MAP4: variants seen among roughly 807,000 people sequenced by gnomAD.
MAP4 encodes microtubule-associated protein 4.
MAP4 carries 76 observed loss-of-function variants against 170.2 expected under a neutral mutation model. The ratio of observed to expected loss-of-function variants is 0.45; its 90% CI spans 0.37 to 0.54. The LOEUF is 0.54. Among genes scored for constraint, MAP4 ranks in the 20% least tolerant of loss-of-function variants. The pLI, the probability that MAP4 is intolerant of heterozygous loss-of-function variation, is 0.00. For missense variants in MAP4, 2,506 were observed against 2,748.0 expected, an observed-to-expected ratio of 0.91 and a Z score of 1.97; for synonymous variants, 909 against 994.5, an observed-to-expected ratio of 0.91 and a Z score of 1.62.
intron 1 of MAP4, among the ~76,000 whole-genome samples, chr3:48,056,119 G>C (rs1420672936): frequency 7.9e-4 from 114 of 144,642 alleles, no homozygotes; most frequent in African/African-American, 1.7e-3. Flanking sequence ...AGGTGGGGGG[G>C]GGTCAGCCCC....
chr3:47,974,078 AT>A, intron 3 of MAP4: 1 of 985,280 alleles, frequency 1.0e-6, no homozygotes, highest in Non-Finnish European at 1.2e-6. Context: ...TTAAACTTTC[AT>A]GATATTCTAA....
At chr3:47,903,108 A>C (rs2100031000) in intron 9 of MAP4, 108 bp from the exon 10 acceptor site, 2 of 216,470 alleles carry the variant, frequency 9.2e-6, no homozygotes, top group African/African-American at 4.7e-5. Flanking sequence ...GTAGCAGCAT[A>C]GCAAGTACAC....
At chr3:47,871,822 G>A (rs1036767044) in intron 13 of MAP4, 95 bp downstream of exon 13, 8 of 1,243,514 alleles carry the variant, frequency 6.4e-6, no homozygotes, top group Admixed American at 2.1e-5. Flanking sequence ...GGCCTGCACA[G>A]CTGTTTGTGA....
chr3:47,875,349 G>A (rs2094967447), intron 12 of MAP4, among the ~76,000 whole-genome samples: 1 of 152,146 alleles, frequency 6.6e-6, no homozygotes, highest in Non-Finnish European at 1.5e-5. Flanking sequence ...GAGAAAGGAG[G>A]AAGAACCTAA....
intron 1 of MAP4, among the ~76,000 whole-genome samples, chr3:48,038,180 A>G (rs1343406911): frequency 6.6e-6 from 1 of 151,420 alleles, no homozygotes; most frequent in Non-Finnish European, 1.5e-5. Flanking sequence ...AAAAAAGAAA[A>G]AAAAAAAAAA....
chr3:48,020,487 AAGG>A (rs368297693), upstream of MAP4, among the ~76,000 whole-genome samples: 116 of 152,312 alleles, frequency 7.6e-4, no homozygotes, highest in South Asian at 2.9e-3. Context: ...TCTGAGCAAG[AAGG>A]AGAAGATACA....
At chr3:47,975,270 GAGGAAGC>G (rs1470095285) in intron 3 of MAP4, 46 of 1,456,084 alleles carry the variant, frequency 3.2e-5, no homozygotes. Flanking sequence ...CAGAGCACAA[GAGGAAGC>G]AGGTTGTTTG....
intron 11 of MAP4, among the ~76,000 whole-genome samples, chr3:47,876,497 T>C (rs1453761606): frequency 6.6e-6 from 1 of 152,202 alleles, no homozygotes; most frequent in East Asian, 1.9e-4. Flanking sequence ...TTTAATTCAG[T>C]AAAACAATTA....
At chr3:47,885,384 A>ATCAG (rs1320853349) in intron 10 of MAP4, among the ~76,000 whole-genome samples, 2 of 151,612 alleles carry the variant, frequency 1.3e-5, no homozygotes, top group Non-Finnish European at 2.9e-5. Context: ...CAATCAATCA[A>ATCAG]TCAATCAATC....
chr3:48,072,831 C>T (rs1345787774), intron 1 of MAP4, among the ~76,000 whole-genome samples: 1 of 152,192 alleles, frequency 6.6e-6, no homozygotes, highest in African/African-American at 2.4e-5. Flanking sequence ...TACTGTAGCA[C>T]CTGACTGCAG....
intron 3 of MAP4, among the ~76,000 whole-genome samples, chr3:47,940,080 CA>C (rs1158978745): frequency 1.3e-5 from 2 of 152,076 alleles, no homozygotes; most frequent in Non-Finnish European, 2.9e-5. Context: ...TCAGGTGAGC[CA>C]CCCGCCTTGG....
chr3:48,007,829 C>T (rs979777662), intron 1 of MAP4, among the ~76,000 whole-genome samples: 1 of 152,086 alleles, frequency 6.6e-6, no homozygotes, highest in Non-Finnish European at 1.5e-5. Context: ...CGTGCCACCA[C>T]ATCCAGCTAA....
intron 10 of MAP4, chr3:47,892,972 C>A (rs942591797): frequency 4.1e-6 from 3 of 725,250 alleles, no homozygotes; most frequent in Non-Finnish European, 5.1e-6. Flanking sequence ...ATTTGCCAAT[C>A]CCCAGCTATA....
chr3:47,891,854 C>G (rs573469578), intron 10 of MAP4: 14 of 1,536,202 alleles, frequency 9.1e-6, no homozygotes, highest in Non-Finnish European at 1.2e-5. Flanking sequence ...CACTGGGCAG[C>G]CAGGGGTGAT....
intron 3 of MAP4, among the ~76,000 whole-genome samples, chr3:47,940,113 T>C (rs2100055360): frequency 2.0e-5 from 3 of 152,160 alleles, no homozygotes; most frequent in Non-Finnish European, 2.9e-5. Context: ...GCTGCAATTA[T>C]AGGTGTGAGC....
chr3:48,056,487 T>G (rs1308122917), intron 1 of MAP4, among the ~76,000 whole-genome samples: 2 of 13,280 alleles, frequency 1.5e-4, no homozygotes, highest in Admixed American at 1.1e-3. Context: ...GGGAGGGAGG[T>G]GGGGGGGGTC....
At chr3:47,896,268 G>A (rs1171212362) in intron 10 of MAP4, among the ~76,000 whole-genome samples, 1 of 152,192 alleles carries the variant, frequency 6.6e-6, no homozygotes, top group Non-Finnish European at 1.5e-5. Flanking sequence ...GGTGGCTCAC[G>A]CCTGTAATCC....
intron 10 of MAP4, among the ~76,000 whole-genome samples, chr3:47,883,303 G>A (rs948848104): frequency 6.6e-6 from 1 of 151,804 alleles, no homozygotes; most frequent in African/African-American, 2.4e-5. Context: ...GGCTCACCAC[G>A]ACCTCCACCT....
chr3:47,945,255 G>A (rs55923033), intron 3 of MAP4, among the ~76,000 whole-genome samples: 2 of 152,038 alleles, frequency 1.3e-5, no homozygotes, highest in African/African-American at 4.8e-5. Context: ...GGGAGGCTGA[G>A]ACAGGAGAAT....
Sources: allele counts gnomAD v4.1 joint callset (sites outside exome capture counted in the v4.1 genomes callset), GRCh38; gene constraint gnomAD v4.1.1; transcripts MANE v1.5; gene names NCBI Gene and HGNC (gene_info 2026-07-23, HGNC 2026-07-21).